NEK7: variants seen among roughly 807,000 people sequenced by gnomAD.
NEK7 encodes NIMA related kinase 7, also known as serine/threonine-protein kinase Nek7.
Under a neutral mutation model 44.6 loss-of-function variants are expected in NEK7, and 18 were observed. The ratio of observed to expected loss-of-function variants is 0.40; its 90% CI spans 0.28 to 0.60. NEK7 has a LOEUF of 0.60. Among genes scored for constraint, NEK7 ranks in the 20% least tolerant of loss-of-function variants. The probability of loss-of-function intolerance (pLI) is 0.38; values close to 1 mark genes in which losing one functional copy is unlikely to be tolerated. For missense variants in NEK7, 256 were observed against 366.5 expected (o/e 0.70, Z 2.46); for synonymous variants, 130 against 121.1 (o/e 1.07, Z -0.48).
At chr1:198,299,714 A>G (rs1372307303) in intron 9 of NEK7, among the ~76,000 whole-genome samples, 1 of 152,172 alleles carries the variant, frequency 6.6e-6, no homozygotes, top group Non-Finnish European at 1.5e-5. Context: ...CTGCCCAAAC[A>G]AGATTTTAAG....
At chr1:198,252,528 C>CGATA (rs1553253585) in intron 2 of NEK7, among the ~76,000 whole-genome samples, 2 of 32,694 alleles carry the variant, frequency 6.1e-5, no homozygotes, top group Admixed American at 6.9e-4. Flanking sequence ...ATCTCACATA[C>CGATA]TATATATATA....
At chr1:198,226,825 T>C (rs1161466068) in intron 1 of NEK7, among the ~76,000 whole-genome samples, 1 of 151,758 alleles carries the variant, frequency 6.6e-6, no homozygotes, top group African/African-American at 2.4e-5. Context: ...GTCTTGGAGA[T>C]GGCCATAAAG....
At chr1:198,287,012 C>A (rs1343887003) in intron 7 of NEK7, among the ~76,000 whole-genome samples, 1 of 152,132 alleles carries the variant, frequency 6.6e-6, no homozygotes, top group Non-Finnish European at 1.5e-5. Context: ...AAGTCTCTTG[C>A]CACTACCGTA....
chr1:198,228,122 G>T (rs1411773232), intron 1 of NEK7, among the ~76,000 whole-genome samples: 1 of 152,202 alleles, frequency 6.6e-6, no homozygotes, highest in Non-Finnish European at 1.5e-5. Context: ...TTATTAAATA[G>T]GGAATTGTTT....
At chr1:198,220,152 T>A (rs980519096) in intron 1 of NEK7, among the ~76,000 whole-genome samples, 4 of 152,070 alleles carry the variant, frequency 2.6e-5, no homozygotes. Flanking sequence ...TCATAGGTTC[T>A]TACTTTATTC....
At chr1:198,157,935 A>G (rs550176879) in intron 1 of NEK7, among the ~76,000 whole-genome samples, 43 of 152,326 alleles carry the variant, frequency 2.8e-4, no homozygotes, top group African/African-American at 1.0e-3. Context: ...ACTGAGGCCA[A>G]AGTCAGAGAA....
chr1:198,246,527 G>A (rs534840047), intron 2 of NEK7, among the ~76,000 whole-genome samples: 12 of 152,346 alleles, frequency 7.9e-5, no homozygotes, highest in African/African-American at 2.2e-4. Context: ...AAAAAACACC[G>A]CCCTCTGGCC....
At chr1:198,303,228 C>A (rs1038246051) in intron 9 of NEK7, among the ~76,000 whole-genome samples, 1 of 151,952 alleles carries the variant, frequency 6.6e-6, no homozygotes, top group Admixed American at 6.6e-5. Flanking sequence ...ATATGTTGAT[C>A]CATAATATAT....
At position 198,212,150 on chromosome 1, in the gene NEK7, C is replaced by T. The variant is rs191976459; in HGVS notation, c.-28-20403C>T. ...GAAGTCAGCCAGCTAACTCAGGCTC[C>T]GGTCACAGGTTGAGAGAAGCTCCCA... On this transcript the variant is annotated intron_variant, in intron 1 of 9. Transcript: ENST00000367385. Among the ~76,000 whole-genome samples, 618 of 151,978 alleles carry T rather than the reference C, an allele frequency of 4.1e-3. 4 individuals are homozygous for T. The highest frequency in any genetic ancestry group is 0.014 in the African/African-American group (569 of 41,568).
At chr1:198,164,749 A>G (rs912205098) in intron 1 of NEK7, among the ~76,000 whole-genome samples, 2 of 152,192 alleles carry the variant, frequency 1.3e-5, no homozygotes, top group Admixed American at 1.3e-4. Flanking sequence ...ACGGTCACTG[A>G]AGGCTGGTGG....
intron 1 of NEK7, among the ~76,000 whole-genome samples, chr1:198,181,715 A>C (rs1007628397): frequency 2.0e-5 from 3 of 152,152 alleles, no homozygotes; most frequent in African/African-American, 7.2e-5. Context: ...TAAACTTGTA[A>C]TGTTGTATGA....
intron 1 of NEK7, among the ~76,000 whole-genome samples, chr1:198,173,881 G>A (rs1197600155): frequency 1.3e-5 from 2 of 151,896 alleles, no homozygotes; most frequent in African/African-American, 4.8e-5. Context: ...CTTATTCTTT[G>A]GATAGTATTT....
At chr1:198,224,185 T>C (rs183662526) in intron 1 of NEK7, among the ~76,000 whole-genome samples, 6 of 152,326 alleles carry the variant, frequency 3.9e-5, no homozygotes, top group Admixed American at 6.5e-5. Context: ...ATAAAACTTA[T>C]GGTTTCTTAA....
intron 1 of NEK7, among the ~76,000 whole-genome samples, chr1:198,163,193 A>G (rs1389028014): frequency 1.3e-5 from 2 of 152,152 alleles, no homozygotes; most frequent in Non-Finnish European, 2.9e-5. Context: ...CTGCTGGACC[A>G]TATAGTAAAG....
rs1665615555 is a variant in NEK7 at position 198,206,929 on chromosome 1, A to G, written c.-28-25624A>G. 3 of 152,306 alleles carry G rather than the reference A, an allele frequency of 2.0e-5. No homozygotes were observed. The South Asian group carries it at 6.2e-4, about 32-fold the overall frequency. The allele number at this position is 152,306 out of a possible 1,614,324, so 9.4% of individuals were successfully genotyped here. On this transcript the variant is annotated intron_variant, in intron 1 of 9. Transcript: ENST00000367385. ...CTTAATTTTCTGATGAAAATATGGC[A>G]TTTATATGCTTTCAGCATACAATTT...
intron 7 of NEK7, among the ~76,000 whole-genome samples, chr1:198,286,627 G>T (rs544736842): frequency 3.1e-4 from 47 of 152,180 alleles, no homozygotes; most frequent in Admixed American, 2.7e-3. Flanking sequence ...CAACAGAAAC[G>T]TATTATTTTT....
At chr1:198,185,386 G>C (rs185822651) in intron 1 of NEK7, among the ~76,000 whole-genome samples, 1 of 151,670 alleles carries the variant, frequency 6.6e-6, no homozygotes, top group African/African-American at 2.4e-5. Context: ...GTGAAATTGC[G>C]TAAGAAATAT....
chr1:198,286,422 CTTTT>C (rs34104462), intron 7 of NEK7, among the ~76,000 whole-genome samples: 1 of 142,940 alleles, frequency 7.0e-6, no homozygotes, highest in African/African-American at 2.6e-5. Context: ...AGAGGTCACA[CTTTT>C]TTTTTTTTTT....
At chr1:198,217,840 T>TAAAAAAAAAAAA (rs35485996) in intron 1 of NEK7, among the ~76,000 whole-genome samples, 5 of 107,252 alleles carry the variant, frequency 4.7e-5, no homozygotes, top group Admixed American at 1.8e-4. Flanking sequence ...ACAATAGCTA[T>TAAAAAAAAAAAA]AAAAAAAAAA....
Sources: allele counts gnomAD v4.1 joint callset (sites outside exome capture counted in the v4.1 genomes callset), GRCh38; gene constraint gnomAD v4.1.1; transcripts MANE v1.5; gene names NCBI Gene and HGNC (gene_info 2026-07-23, HGNC 2026-07-21).